Variants in MYO5A observed in about 807,000 individuals in gnomAD.
MYO5A encodes myosin VA.
Under a neutral mutation model 249.7 loss-of-function variants are expected in MYO5A, and 98 were observed. The observed-to-expected ratio is 0.39, with a 90% CI of 0.33 to 0.46. MYO5A has a LOEUF of 0.46. Ranked by LOEUF, MYO5A falls within the 20% of genes least tolerant of loss-of-function variation. The probability of loss-of-function intolerance (pLI) is 0.98; values close to 1 mark genes in which losing one functional copy is unlikely to be tolerated. For missense variants in MYO5A, 1,696 were observed against 2,308.8 expected (o/e 0.73, Z 5.44); for synonymous variants, 778 against 810.6 (o/e 0.96, Z 0.68).
At chr15:52,316,917 G>A in intron 40 of MYO5A, 131 bp downstream of exon 40, 1 of 947,214 alleles carries the variant, frequency 1.1e-6, no homozygotes, top group Non-Finnish European at 1.7e-6. Flanking sequence ...GATTGGTAGA[G>A]GCATATATCT....
intron 1 of MYO5A, among the ~76,000 whole-genome samples, chr15:52,500,211 G>T (rs1724598): frequency 0.022 from 3,352 of 152,096 alleles, 133 homozygotes; most frequent in African/African-American, 0.077. Flanking sequence ...TGTGATAATA[G>T]GCATGAAATG....
At chr15:52,377,313 T>G (rs530580533) in intron 18 of MYO5A, among the ~76,000 whole-genome samples, 1 of 151,918 alleles carries the variant, frequency 6.6e-6, no homozygotes, top group South Asian at 2.1e-4. Flanking sequence ...TCCCAACTAC[T>G]TGGGAGGCTG....
chr15:52,400,576 A>G (rs1312983199), intron 9 of MYO5A, among the ~76,000 whole-genome samples: 1 of 152,176 alleles, frequency 6.6e-6, no homozygotes, highest in Non-Finnish European at 1.5e-5. Flanking sequence ...AGTCTCCTTT[A>G]ACATGAACAG....
chr15:52,353,830 A>G, intron 26 of MYO5A, 41 bp downstream of exon 26: 1 of 1,611,264 alleles, frequency 6.2e-7, no homozygotes, highest in Non-Finnish European at 8.5e-7. Flanking sequence ...AAATGGACAT[A>G]AAGCCCAGCT....
intron 8 of MYO5A, among the ~76,000 whole-genome samples, chr15:52,406,318 G>GC (rs2043001747): frequency 6.6e-6 from 1 of 152,128 alleles, no homozygotes; most frequent in African/African-American, 2.4e-5. Flanking sequence ...AGGCTGGAGT[G>GC]CAGTGGTGTG....
At chr15:52,359,571 T>C (rs2040416138) in intron 25 of MYO5A, among the ~76,000 whole-genome samples, 1 of 152,184 alleles carries the variant, frequency 6.6e-6, no homozygotes, top group African/African-American at 2.4e-5. Flanking sequence ...ACTTTAAAAA[T>C]AATTTACCTC....
intron 18 of MYO5A, among the ~76,000 whole-genome samples, chr15:52,377,161 C>T (rs945518246): frequency 2.0e-5 from 3 of 152,112 alleles, no homozygotes; most frequent in South Asian, 4.1e-4. Flanking sequence ...TAGTGGCTCA[C>T]GTGTGTAATC....
chr15:52,322,533 T>C (rs757298321), intron 37 of MYO5A, among the ~76,000 whole-genome samples: 2 of 152,232 alleles, frequency 1.3e-5, no homozygotes, highest in African/African-American at 4.8e-5. Flanking sequence ...TCTGTAAAAC[T>C]GGACTATAAT....
At chr15:52,426,337 A>G (rs1340676083) in intron 3 of MYO5A, among the ~76,000 whole-genome samples, 1 of 150,942 alleles carries the variant, frequency 6.6e-6, no homozygotes, top group Non-Finnish European at 1.5e-5. Context: ...TTTTTTTCAC[A>G]AAGATGTTTA....
Position 52,354,028 on chromosome 15 carries a change from A to T in MYO5A, c.3424-14T>A. 1 of 1,614,174 alleles carries T rather than the reference A, an allele frequency of 6.2e-7. No individual in the cohort carries two copies. The highest frequency in any genetic ancestry group is 1.1e-5 in the South Asian group (1 of 91,078). On this transcript the variant is annotated splice_polypyrimidine_tract_variant and intron_variant, in intron 25 of 41. Transcript: ENST00000399233. Reference sequence around the variant, plus strand: ...CTCACTTGGTTCCTAAACCCCAGGAATCACAAAGATGGTCAAGACAAGCCA... The same window carrying T: ...CTCACTTGGTTCCTAAACCCCAGGATTCACAAAGATGGTCAAGACAAGCCA...
intron 1 of MYO5A, among the ~76,000 whole-genome samples, chr15:52,463,735 A>T (rs1255152776): frequency 6.6e-6 from 1 of 152,200 alleles, no homozygotes; most frequent in East Asian, 1.9e-4. Context: ...GCTTCAAAAG[A>T]TGCCTAAGCT....
chr15:52,367,184 A>C (rs1051918563), intron 22 of MYO5A, 60 bp from the exon 23 acceptor site: 18 of 1,416,614 alleles, frequency 1.3e-5, no homozygotes, highest in Middle Eastern at 1.8e-4. Flanking sequence ...CTGATGACCA[A>C]GGATAAAGAC....
intron 25 of MYO5A, among the ~76,000 whole-genome samples, chr15:52,354,754 A>C (rs974742642): frequency 6.6e-6 from 1 of 151,942 alleles, no homozygotes; most frequent in African/African-American, 2.4e-5. Context: ...CTCAGGAGGC[A>C]GAGGGAGGAG....
rs369492864 is a variant in MYO5A, at chr15:52,344,861, G to C, written c.3959+1500C>G. Among the ~76,000 whole-genome samples, 4 of 152,320 alleles carry C rather than the reference G, an allele frequency of 2.6e-5. No individual in the cohort carries two copies. In the East Asian group the frequency reaches 7.7e-4, roughly 29 times the overall value. The stretch of plus-strand genomic sequence containing the variant: ...TTCCCAGTATGTGGCACAAGGCCTG[G>C]CATGAAGTAGGCACACTGGTGATAG... On this transcript the variant is annotated intron_variant, in intron 30 of 41. Coordinates refer to ENST00000399233, the MANE Select transcript of MYO5A (RefSeq NM_001382347.1).
In MYO5A at chr15:52,319,314, A is replaced by G; in HGVS notation, c.4980T>C (p.Ile1660=). ...TGGGCTTCACCCCAGACACGCCCTGAATCGTTTCATGTTCCAGCATGCCTG... is the reference window on the plus strand; with the variant it reads ...TGGGCTTCACCCCAGACACGCCCTGGATCGTTTCATGTTCCAGCATGCCTG... ...IVSGMLEHET[I]QGVSGVKPTG... is the part of the protein sequence containing the mutation. The change falls in exon 39 of 42, where the codon ATT becomes ATC. Residue 1660 remains isoleucine, a synonymous_variant. Transcript: ENST00000399233. The G allele has an allele frequency of 6.2e-7, 1 of 1,614,160 alleles. No homozygotes were observed. The highest frequency in any genetic ancestry group is 8.5e-7 in the Non-Finnish European group (1 of 1,180,022).
At chr15:52,471,258 A>T (rs947407329) in intron 1 of MYO5A, among the ~76,000 whole-genome samples, 1 of 151,928 alleles carries the variant, frequency 6.6e-6, no homozygotes, top group Non-Finnish European at 1.5e-5. Flanking sequence ...CTTACTAGTA[A>T]ATGTCTTTTG....
intron 32 of MYO5A, 54 bp downstream of exon 32, chr15:52,340,142 A>C (rs1250595201): frequency 2.5e-6 from 4 of 1,590,844 alleles, no homozygotes; most frequent in African/African-American, 1.3e-5. Context: ...AAAAGAAACT[A>C]GACTGTCGGG....
At position 52,376,521 on chromosome 15, in the gene MYO5A, A is replaced by C; in HGVS notation, c.2246T>G (p.Phe749Cys). 1 of 1,614,194 alleles carries C rather than the reference A, an allele frequency of 6.2e-7. No individual in the cohort carries two copies. Among genetic ancestry groups the C allele is most frequent in the Non-Finnish European group, 8.5e-7 (1 of 1,180,028 alleles). The change falls in exon 19 of 42, where the codon TTT becomes TGT. Residue 749 changes from phenylalanine to cysteine, a missense_variant. Physicochemically the swap from Phe to Cys is radical, Grantham distance 205. Coordinates refer to ENST00000399233, the MANE Select transcript of MYO5A (RefSeq NM_001382347.1). ...ATAGGCCACTTGACCGGCACGGAAA[A>C]AGATCTTTGTCTTACCAAACTGGTA... Reference protein sequence around the residue: ...DKYQFGKTKIFFRAGQVAYLE... With the variant: ...DKYQFGKTKICFRAGQVAYLE...
At chr15:52,487,263 A>C (rs1040116496) in intron 1 of MYO5A, among the ~76,000 whole-genome samples, 8 of 152,012 alleles carry the variant, frequency 5.3e-5, no homozygotes, top group African/African-American at 1.7e-4. Flanking sequence ...AAAAAATAAA[A>C]AAGTTAGCTG....
Sources: gnomAD v4.1 joint callset for allele counts (sites outside exome capture counted in the v4.1 genomes callset) on GRCh38, gnomAD v4.1.1 for gene constraint, MANE v1.5 for transcripts, NCBI Gene and HGNC (gene_info 2026-07-23, HGNC 2026-07-21) for gene names.